The following RBFOX3 variants were observed in gnomAD, a reference collection of about 807,000 sequenced individuals.
The protein encoded by RBFOX3 is RNA binding fox-1 homolog 3, also known as RNA binding protein fox-1 homolog 3.
Under a neutral mutation model 48.7 loss-of-function variants are expected in RBFOX3, and 17 were observed. The ratio of observed to expected loss-of-function variants is 0.35; its 90% CI spans 0.24 to 0.52. RBFOX3 has a LOEUF of 0.52. Among genes scored for constraint, RBFOX3 ranks in the 20% least tolerant of loss-of-function variants. RBFOX3 has a pLI of 0.94. For synonymous variants in RBFOX3, 212 were observed against 209.5 expected (o/e 1.01, Z -0.10); for missense variants, 382 against 497.5 (o/e 0.77, Z 2.21).
chr17:79,169,766 G>A (rs1207629096), intron 4 of RBFOX3, among the ~76,000 whole-genome samples: 1 of 152,250 alleles, frequency 6.6e-6, no homozygotes, highest in Admixed American at 6.5e-5. Flanking sequence ...TTCTTGTTAA[G>A]ATGGTGAAAA....
At chr17:79,162,139 T>C (rs914955247) in intron 4 of RBFOX3, among the ~76,000 whole-genome samples, 1 of 152,224 alleles carries the variant, frequency 6.6e-6, no homozygotes, top group African/African-American at 2.4e-5. Flanking sequence ...CCCATTAAAC[T>C]AGCAGCACAA....
chr17:79,375,358 GACACACACACACACACACACACAC>G (rs534923135), intron 2 of RBFOX3, among the ~76,000 whole-genome samples: 2 of 136,184 alleles, frequency 1.5e-5, no homozygotes, highest in Non-Finnish European at 3.1e-5. Flanking sequence ...GAAGACAGAA[GACACACACACACACACACACACAC>G]ACACACACAC....
chr17:79,211,740 A>G (rs926238829), intron 4 of RBFOX3, among the ~76,000 whole-genome samples: 3 of 152,076 alleles, frequency 2.0e-5, no homozygotes, highest in African/African-American at 7.2e-5. Context: ...CAATCCTAAT[A>G]TGACTTCTCA....
At chr17:79,568,774 C>T (rs2092559498) in intron 1 of RBFOX3, among the ~76,000 whole-genome samples, 2 of 152,190 alleles carry the variant, frequency 1.3e-5, no homozygotes, top group South Asian at 2.1e-4. Context: ...GCTCTGAAGG[C>T]GACTGGTTGG....
intron 2 of RBFOX3, among the ~76,000 whole-genome samples, chr17:79,312,362 A>G (rs1262217952): frequency 6.6e-6 from 1 of 151,608 alleles, no homozygotes; most frequent in African/African-American, 2.4e-5. Context: ...GGCCTGACCC[A>G]CCTTTCTAGG....
chr17:79,335,782 T>A (rs986450800), intron 2 of RBFOX3, among the ~76,000 whole-genome samples: 3 of 152,086 alleles, frequency 2.0e-5, no homozygotes, highest in African/African-American at 7.2e-5. Flanking sequence ...GTCCTCCACA[T>A]CTCAGATCCC....
At chr17:79,182,122 ACTCT>A (rs146197071) in intron 4 of RBFOX3, among the ~76,000 whole-genome samples, 4 of 151,190 alleles carry the variant, frequency 2.6e-5, no homozygotes, top group African/African-American at 7.3e-5. Flanking sequence ...GGCACCCTGT[ACTCT>A]CTCTCTCTCC....
At chr17:79,356,348 G>GGTTTTTTTTT (rs2084999414) in intron 2 of RBFOX3, among the ~76,000 whole-genome samples, 1 of 47,270 alleles carries the variant, frequency 2.1e-5, no homozygotes, top group Non-Finnish European at 4.1e-5. Flanking sequence ...AAACAGGGAA[G>GGTTTTTTTTT]TTTTTTTTTT....
intron 4 of RBFOX3, among the ~76,000 whole-genome samples, chr17:79,164,223 G>A (rs891615877): frequency 3.3e-5 from 5 of 152,232 alleles, no homozygotes; most frequent in Non-Finnish European, 5.9e-5. Context: ...TGGCAGGGGC[G>A]GTGGCGGTAG....
At chr17:79,149,043 C>T (rs990004257) in intron 4 of RBFOX3, among the ~76,000 whole-genome samples, 8 of 152,198 alleles carry the variant, frequency 5.3e-5, no homozygotes, top group African/African-American at 1.9e-4. Flanking sequence ...AAACACTCAG[C>T]CTGCAGCTCC....
chr17:79,505,796 C>T (rs371947688), intron 1 of RBFOX3, among the ~76,000 whole-genome samples: 12 of 152,372 alleles, frequency 7.9e-5, no homozygotes, highest in African/African-American at 2.6e-4. Context: ...TGATATTGAT[C>T]TCTATCGCTG....
the RBFOX3 span, among the ~76,000 whole-genome samples, chr17:79,661,623 G>A: frequency 6.6e-6 from 1 of 152,242 alleles, no homozygotes; most frequent in African/African-American, 2.4e-5. Context: ...TCTAGGGATA[G>A]AGTAGCTGGG....
chr17:79,375,457 A>G (rs1260639342), intron 2 of RBFOX3, among the ~76,000 whole-genome samples: 2 of 151,788 alleles, frequency 1.3e-5, no homozygotes, highest in Non-Finnish European at 2.9e-5. Flanking sequence ...GTTGAGGGTA[A>G]TCAGGGATAA....
Position 79,383,355 on chromosome 17 carries a change from G to A in RBFOX3, c.-174-75531C>T, listed in dbSNP as rs150416977. Among the ~76,000 whole-genome samples, 705 of 152,322 alleles carry A rather than the reference G, an allele frequency of 4.6e-3. 4 individuals carry two copies. Among genetic ancestry groups the A allele is most frequent in the Middle Eastern group, 0.01 (3 of 294 alleles). On this transcript the variant is annotated intron_variant, in intron 2 of 14. Transcript: ENST00000693108. ...CCAAGCGGCCCAAGAAGGTGCAAAG[G>A]CACCCTCCACCACCCCACGGCCGCG...
At chr17:79,344,690 G>A (rs1053626642) in intron 2 of RBFOX3, among the ~76,000 whole-genome samples, 12 of 152,074 alleles carry the variant, frequency 7.9e-5, no homozygotes, top group Admixed American at 2.6e-4. Flanking sequence ...AAGTACCTGG[G>A]ATTACAGGTG....
chr17:79,148,542 C>G (rs2144666910), intron 4 of RBFOX3, among the ~76,000 whole-genome samples: 1 of 152,336 alleles, frequency 6.6e-6, no homozygotes, highest in Middle Eastern at 3.4e-3. Flanking sequence ...TCCCCGGCCA[C>G]TGAGTGCCTC....
intron 2 of RBFOX3, among the ~76,000 whole-genome samples, chr17:79,380,619 G>C (rs2059784931): frequency 6.6e-6 from 1 of 152,178 alleles, no homozygotes; most frequent in Non-Finnish European, 1.5e-5. Context: ...AAATGGGTGA[G>C]GGGCAGGCAC....
At chr17:79,094,309 C>G in intron 14 of RBFOX3, 142 bp downstream of exon 14, 1 of 567,686 alleles carries the variant, frequency 1.8e-6, no homozygotes, top group Non-Finnish European at 2.9e-6. Context: ...CTCACCCTAA[C>G]TCACATCCAG....
intron 4 of RBFOX3, among the ~76,000 whole-genome samples, chr17:79,163,623 C>T (rs1331533854): frequency 1.3e-5 from 2 of 152,330 alleles, no homozygotes; most frequent in East Asian, 3.9e-4. Flanking sequence ...GTGCTTTCCT[C>T]ACCCTGCCCA....
Sources: gnomAD v4.1 joint callset for allele counts (sites outside exome capture counted in the v4.1 genomes callset) on GRCh38, gnomAD v4.1.1 for gene constraint, MANE v1.5 for transcripts, NCBI Gene and HGNC (gene_info 2026-07-23, HGNC 2026-07-21) for gene names.